Variants in PAX5 observed in about 807,000 individuals in gnomAD.
PAX5 encodes paired box protein Pax-5.
Under a neutral mutation model 43.7 loss-of-function variants are expected in PAX5, and 9 were observed. The ratio of observed to expected loss-of-function variants is 0.21; its 90% CI spans 0.12 to 0.36. PAX5 has a LOEUF of 0.36. Ranked by LOEUF, PAX5 falls within the 10% of genes least tolerant of loss-of-function variation. The pLI is 1.00. For synonymous variants in PAX5, 228 were observed against 214.3 expected, an observed-to-expected ratio of 1.06 and a Z score of -0.56; for missense variants, 383 against 532.7, an observed-to-expected ratio of 0.72 and a Z score of 2.77.
At chr9:37,027,508 G>A (rs930249524) in intron 1 of PAX5, among the ~76,000 whole-genome samples, 14 of 152,368 alleles carry the variant, frequency 9.2e-5, no homozygotes, top group African/African-American at 2.4e-4. Flanking sequence ...CAGGCGTGGA[G>A]TGAGGAACAG....
chr9:36,886,232 C>T (rs538456901), intron 7 of PAX5, among the ~76,000 whole-genome samples: 72 of 152,290 alleles, frequency 4.7e-4, no homozygotes, highest in African/African-American at 1.6e-3. Context: ...GTTTGGGGGG[C>T]ATTTGCTAAG....
chr9:36,861,140 G>A (rs10758407), intron 8 of PAX5: 25,870 of 151,812 alleles, frequency 0.17, 2,289 homozygotes, highest in Middle Eastern at 0.31. Context: ...GAGGGGCCCA[G>A]AGATGTCCTG....
intron 6 of PAX5, among the ~76,000 whole-genome samples, chr9:36,950,932 G>A (rs1832952011): frequency 6.6e-6 from 1 of 151,962 alleles, no homozygotes; most frequent in Non-Finnish European, 1.5e-5. Flanking sequence ...AGTAGAGACG[G>A]GGTTTCACCA....
chr9:36,960,272 C>A (rs565599594), intron 6 of PAX5, among the ~76,000 whole-genome samples: 1 of 152,188 alleles, frequency 6.6e-6, no homozygotes, highest in African/African-American at 2.4e-5. Context: ...GTACCTGTCA[C>A]GAAACACGCT....
At chr9:36,947,023 C>G (rs1832584043) in intron 6 of PAX5, among the ~76,000 whole-genome samples, 1 of 152,232 alleles carries the variant, frequency 6.6e-6, no homozygotes, top group Non-Finnish European at 1.5e-5. Context: ...GCCCCCAGGG[C>G]ACATATATCA....
At chr9:36,849,143 G>A (rs563911437) in intron 8 of PAX5, among the ~76,000 whole-genome samples, 7 of 152,356 alleles carry the variant, frequency 4.6e-5, no homozygotes, top group Admixed American at 1.3e-4. Context: ...GCTTGGCCCT[G>A]CAGGTCCGTT....
At chr9:37,023,509 G>T (rs1023863285) in intron 1 of PAX5, among the ~76,000 whole-genome samples, 1 of 152,160 alleles carries the variant, frequency 6.6e-6, no homozygotes, top group African/African-American at 2.4e-5. Context: ...GAAAAAGACA[G>T]ACCACAGGAC....
chr9:37,026,602 C>G (rs1312866827), intron 1 of PAX5: 13 of 1,349,596 alleles, frequency 9.6e-6, no homozygotes, highest in Non-Finnish European at 1.3e-5. Flanking sequence ...GCAGGCCGGC[C>G]CACGCCGCCG....
At chr9:36,931,117 G>A (rs1168674823) in intron 6 of PAX5, among the ~76,000 whole-genome samples, 1 of 152,132 alleles carries the variant, frequency 6.6e-6, no homozygotes, top group Admixed American at 6.5e-5. Flanking sequence ...CAGGCCACAG[G>A]TATCCCTTGG....
rs756346097 is a variant in PAX5 at position 36,882,136 on chromosome 9, G to A, written c.911-31C>T. 2 of 1,528,270 alleles carry A rather than the reference G, an allele frequency of 1.3e-6. No individual in the cohort carries two copies. Among genetic ancestry groups the A allele is most frequent in the South Asian group, 1.2e-5 (1 of 81,872 alleles). 94.7% of individuals were successfully genotyped at this position (1,528,270 alleles called of 1,614,324 possible). On this transcript the variant is annotated intron_variant, in intron 7 of 9. Coordinates refer to ENST00000358127, the MANE Select transcript of PAX5 (RefSeq NM_016734.3). The surrounding 1 kb of genome is among the most constrained non-coding windows in gnomAD (Gnocchi z 4.4). ...GAATCAAAGCAACAAATCACAGGGT[G>A]AGCATCTTCGCGGCCAGCCGCTCAT... is the stretch of plus-strand genomic sequence containing the variant.
chr9:36,996,969 G>A (rs1306603060), intron 5 of PAX5, among the ~76,000 whole-genome samples: 1 of 152,162 alleles, frequency 6.6e-6, no homozygotes, highest in Admixed American at 6.5e-5. Context: ...CCGGGAGACA[G>A]AAACAGACAC....
chr9:36,865,232 G>T (rs578007643), intron 8 of PAX5, among the ~76,000 whole-genome samples: 18 of 152,236 alleles, frequency 1.2e-4, no homozygotes, highest in African/African-American at 4.1e-4. Context: ...GAGGCCCAGG[G>T]TGAGCCCGGC....
intron 7 of PAX5, among the ~76,000 whole-genome samples, chr9:36,908,899 T>C (rs767946586): frequency 6.6e-6 from 1 of 152,218 alleles, no homozygotes; most frequent in Admixed American, 6.5e-5. Flanking sequence ...ACTGAAATTA[T>C]TTTTTTAATT....
intron 6 of PAX5, among the ~76,000 whole-genome samples, chr9:36,962,301 C>T (rs1287128666): frequency 6.6e-6 from 1 of 152,206 alleles, no homozygotes; most frequent in East Asian, 1.9e-4. Flanking sequence ...CTGGAATCGT[C>T]CTGGACCTGG....
chr9:36,891,679 G>A (rs1245847120), intron 7 of PAX5, among the ~76,000 whole-genome samples: 1 of 152,188 alleles, frequency 6.6e-6, no homozygotes, highest in Non-Finnish European at 1.5e-5. Context: ...GATCTGGCAG[G>A]CTCCTAATGA....
rs1284083557 is a variant in PAX5 at position 36,923,357 on chromosome 9, G to C, written c.908C>G (p.Thr303Arg). The C allele has an allele frequency of 1.9e-6, 3 of 1,610,634 alleles. No individual in the cohort carries two copies. The highest frequency in any genetic ancestry group is 2.5e-6 in the Non-Finnish European group (3 of 1,178,552). The change falls in exon 7 of 10, where the codon ACA becomes AGA. Residue 303 changes from threonine to arginine, a missense_variant and splice_region_variant. By Grantham distance (71) the Thr-to-Arg change is moderately conservative. Around this residue, in one of 5 missense-constraint regions of PAX5, gnomAD observed 291 missense variants for 342.5 expected, o/e 0.85. Transcript: ENST00000358127. The stretch of plus-strand genomic sequence containing the variant: ...CCCCATGCCCCAGGTGCCCTCACCT[G>C]TCACAATGGGGTAGGACTGCGGGCC... ...VPGPQSYPIV[T>R]GRDLASTTLP...
chr9:36,990,764 A>T (rs1346073494), intron 5 of PAX5, among the ~76,000 whole-genome samples: 4 of 152,274 alleles, frequency 2.6e-5, no homozygotes, highest in Non-Finnish European at 5.9e-5. Context: ...ATGTAGAGGC[A>T]CAAACTTTCT....
chr9:36,846,365 C>A (rs1408546139), intron 9 of PAX5, among the ~76,000 whole-genome samples: 2 of 152,220 alleles, frequency 1.3e-5, no homozygotes, highest in African/African-American at 4.8e-5. Context: ...AGAGCCGGCT[C>A]TGGTGATGTC....
intron 3 of PAX5, among the ~76,000 whole-genome samples, chr9:37,010,064 CTG>C: frequency 6.6e-6 from 1 of 152,300 alleles, no homozygotes. Context: ...TGAGAAGAAA[CTG>C]TAGTGGGAAG....
Sources: allele counts gnomAD v4.1 joint callset (sites outside exome capture counted in the v4.1 genomes callset), GRCh38; gene constraint gnomAD v4.1.1; regional missense constraint gnomAD v4.1.1; non-coding constraint Gnocchi (gnomAD v3.1); transcripts MANE v1.5; gene names NCBI Gene and HGNC (gene_info 2026-07-23, HGNC 2026-07-21).